The following TBC1D20 variants were observed in gnomAD, a reference collection of about 807,000 sequenced individuals.
TBC1D20 encodes TBC1 domain family member 20, also known as chromosome 20 open reading frame 140.
In TBC1D20, 12 loss-of-function variants were observed where a neutral mutation model predicts 41.6. That is an observed-to-expected ratio of 0.29 (90% CI 0.18 to 0.47). The LOEUF (loss-of-function observed/expected upper bound fraction) is 0.47, where lower values mean the gene tolerates loss of function less well. TBC1D20 is among the 20% of genes least tolerant of loss of function. The pLI, the probability that TBC1D20 is intolerant of heterozygous loss-of-function variation, is 1.00. For synonymous variants in TBC1D20, 205 were observed against 204.8 expected (o/e 1.00, Z -0.01); for missense variants, 421 against 517.4 (o/e 0.81, Z 1.81).
chr20:448,000 C>T lies in TBC1D20; in HGVS notation c.145G>A (p.Ala49Thr), dbSNP rs1311346959. ...TCACTGATAGCCATGCGTCTAAGGG[C>T]AGCCACATCAGTGGGATCACTGTTC... ...ALNSDPTDVA[A>T]LRRMAISEGG... Residue 49 changes from alanine to threonine, a missense_variant, in exon 2 of 8, where the codon GCC becomes ACC. Coordinates refer to ENST00000354200, the MANE Select transcript of TBC1D20 (RefSeq NM_144628.4). The T allele has an allele frequency of 5.6e-6, 9 of 1,613,992 alleles. No individual in the cohort carries two copies. The highest frequency in any genetic ancestry group is 7.6e-6 in the Non-Finnish European group (9 of 1,179,940).
At chr20:457,965 A>T (rs143462493) in intron 1 of TBC1D20, among the ~76,000 whole-genome samples, 1 of 152,300 alleles carries the variant, frequency 6.6e-6, no homozygotes, top group East Asian at 1.9e-4. Context: ...TTAACTTGGG[A>T]GTACCCCTGC....
At chr20:460,894 C>T (rs1463687752) in intron 1 of TBC1D20, among the ~76,000 whole-genome samples, 2 of 151,958 alleles carry the variant, frequency 1.3e-5, no homozygotes, top group African/African-American at 2.4e-5. Flanking sequence ...GCACTGCCAA[C>T]AGGTCACAAG....
In TBC1D20 at chr20:441,606, A is replaced by G. The variant is rs2017230571; in HGVS notation, c.608T>C (p.Leu203Pro). ...MPIIDQVNPE[L>P]HDFMQSAEVG... ...TATGTACCTCTGCATGAAGTCATGG[A>G]GCTCTGGATTCACCTGGTCAATGAT... Residue 203 changes from leucine (L) to proline (P), a missense_variant, in exon 5 of 8, where the codon CTC (leucine) becomes CCC (proline). By Grantham distance (98) the Leu-to-Pro change is moderately conservative. Coordinates refer to ENST00000354200, the MANE Select transcript of TBC1D20 (RefSeq NM_144628.4). The G allele has an allele frequency of 6.2e-7, 1 of 1,614,130 alleles. No individual in the cohort carries two copies. Among genetic ancestry groups the G allele is most frequent in the Non-Finnish European group, 8.5e-7 (1 of 1,179,998 alleles).
In TBC1D20 at chr20:439,313, A is replaced by G. The variant is rs754782687; in HGVS notation, c.769-18T>C. 1 of 1,584,304 alleles carries G rather than the reference A, an allele frequency of 6.3e-7. No homozygotes were observed. The highest frequency in any genetic ancestry group is 8.6e-7 in the Non-Finnish European group (1 of 1,164,130). Reference sequence around the variant, plus strand: ...AACACAATCTGTGGGGAGGTAGTAAAGCCTTGCAGTCAGAGGCCAGACACA... The same window carrying G: ...AACACAATCTGTGGGGAGGTAGTAAGGCCTTGCAGTCAGAGGCCAGACACA... On this transcript the variant is annotated intron_variant, in intron 6 of 7. Coordinates refer to ENST00000354200, the MANE Select transcript of TBC1D20 (RefSeq NM_144628.4). The surrounding 1 kb of genome is among the most constrained non-coding windows in gnomAD (Gnocchi z 4.6).
chr20:461,749 G>A (rs1378317232), intron 1 of TBC1D20, among the ~76,000 whole-genome samples: 1 of 152,234 alleles, frequency 6.6e-6, no homozygotes, highest in Non-Finnish European at 1.5e-5. Context: ...TGAATACCGG[G>A]GAACGCGGAG....
intron 3 of TBC1D20, 74 bp downstream of exon 3, chr20:444,976 A>G (rs2064952232): frequency 1.5e-6 from 2 of 1,361,402 alleles, no homozygotes; most frequent in Non-Finnish European, 2.1e-6. Flanking sequence ...AGGGTCCAGC[A>G]TATTAGGTCA....
chr20:444,234 C>T (rs566523206), intron 3 of TBC1D20, among the ~76,000 whole-genome samples: 5 of 152,182 alleles, frequency 3.3e-5, no homozygotes, highest in East Asian at 1.9e-4. Flanking sequence ...ATCAAAACCA[C>T]GCTGGCAGGC....
rs1016097702 is a variant in TBC1D20, at chr20:437,621, G to C, written c.*965C>G. On this transcript the variant is annotated 3_prime_UTR_variant, in exon 8 of 8. Transcript: ENST00000354200. ...TGCCTATTTGGGAGTAGGATGATTTGAGGAAAACAGGAAGAAAAACCGGTC... is the reference window on the plus strand; with the variant it reads ...TGCCTATTTGGGAGTAGGATGATTTCAGGAAAACAGGAAGAAAAACCGGTC... The C allele has an allele frequency of 6.5e-6, 1 of 152,810 alleles. No individual in the cohort carries two copies. Among genetic ancestry groups the C allele is most frequent in the South Asian group, 2.1e-4 (1 of 4,828 alleles). 9.5% of individuals were successfully genotyped at this position (152,810 alleles called of 1,614,324 possible). A position where few individuals can be genotyped will look rare whatever the true frequency, so the allele number is the denominator to read the frequency against.
intron 1 of TBC1D20, among the ~76,000 whole-genome samples, chr20:462,022 C>A (rs2017640454): frequency 6.6e-6 from 1 of 152,308 alleles, no homozygotes; most frequent in African/African-American, 2.4e-5. Context: ...GGCCTCCGCG[C>A]TCGAGGAGTC....
At chr20:449,077 C>T (rs372813717) in intron 1 of TBC1D20, among the ~76,000 whole-genome samples, 4 of 149,806 alleles carry the variant, frequency 2.7e-5, no homozygotes, top group East Asian at 4.1e-4. Context: ...GAACTCCTGA[C>T]GTCGTGATCC....
chr20:446,073 C>G (rs2017326200), intron 2 of TBC1D20, among the ~76,000 whole-genome samples: 1 of 152,282 alleles, frequency 6.6e-6, no homozygotes, highest in Admixed American at 6.5e-5. Flanking sequence ...TCTCCAGTAC[C>G]TGGCAATCAT....
intron 3 of TBC1D20, among the ~76,000 whole-genome samples, chr20:444,682 C>T (rs1221288392): frequency 1.3e-5 from 2 of 152,092 alleles, no homozygotes; most frequent in Non-Finnish European, 2.9e-5. Context: ...CATATGTATG[C>T]GCAAGGTACC....
chr20:462,307 G>A, intron 1 of TBC1D20, 29 bp downstream of exon 1: 1 of 1,269,718 alleles, frequency 7.9e-7, no homozygotes, highest in Non-Finnish European at 1.0e-6. Flanking sequence ...CTCGCAGGCC[G>A]CTCCCGGCGC....
rs2017206030 is a variant in TBC1D20, at chr20:440,402, GA to G, written c.627-14del. On this transcript the variant is annotated splice_polypyrimidine_tract_variant and intron_variant, in intron 5 of 7. Transcript: ENST00000354200. The stretch of plus-strand genomic sequence containing the variant: ...CCCTACCTCAGCACTAGAAACAAAG[GA>G]AAGGCAGGTGTCAGGTCCTGTGGGC... The G allele has an allele frequency of 3.7e-6, 6 of 1,613,956 alleles. No individual in the cohort carries two copies. In the East Asian group the frequency reaches 1.3e-4, roughly 36 times the overall value.
At chr20:456,613 G>GA (rs1245131248) in intron 1 of TBC1D20, among the ~76,000 whole-genome samples, 1 of 152,168 alleles carries the variant, frequency 6.6e-6, no homozygotes, top group East Asian at 1.9e-4. Context: ...TGCCCAGGCT[G>GA]GAGCGCAGTG....
chr20:448,876 G>A (rs2017389497), intron 1 of TBC1D20, among the ~76,000 whole-genome samples: 1 of 141,540 alleles, frequency 7.1e-6, no homozygotes, highest in African/African-American at 2.6e-5. Flanking sequence ...CGGAGTCTCG[G>A]TCTGTAGCCC....
At chr20:441,750 C>T (rs753417026) in intron 4 of TBC1D20, 61 bp from the exon 5 acceptor site, 254 of 1,597,006 alleles carry the variant, frequency 1.6e-4, no homozygotes, top group East Asian at 2.0e-4. Context: ...CTCAGGGTGG[C>T]GAGGGCTCAA....
intron 6 of TBC1D20, 92 bp downstream of exon 6, chr20:440,156 T>C (rs1600328723): frequency 6.7e-7 from 1 of 1,497,822 alleles, no homozygotes; most frequent in African/African-American, 1.4e-5. Context: ...CTTTTGCATC[T>C]TTCCATAATC....
chr20:460,024 T>C (rs1236050971), intron 1 of TBC1D20, among the ~76,000 whole-genome samples: 1 of 152,106 alleles, frequency 6.6e-6, no homozygotes, highest in Non-Finnish European at 1.5e-5. Flanking sequence ...TTTTCATATA[T>C]TTTTTCATAT....
Sources: allele counts gnomAD v4.1 joint callset (sites outside exome capture counted in the v4.1 genomes callset), GRCh38; gene constraint gnomAD v4.1.1; non-coding constraint Gnocchi (gnomAD v3.1); transcripts MANE v1.5; gene names NCBI Gene and HGNC (gene_info 2026-07-23, HGNC 2026-07-21).